Variants in IL6ST observed in about 807,000 individuals in gnomAD.
IL6ST encodes interleukin 6 cytokine family signal transducer.
A neutral mutation model predicts 91.3 loss-of-function variants in IL6ST; 24 were observed. That is an observed-to-expected ratio of 0.26 (90% CI 0.19 to 0.37). The LOEUF is 0.37. IL6ST is among the 10% of genes least tolerant of loss of function. The probability of loss-of-function intolerance (pLI) is 1.00; values close to 1 mark genes in which losing one functional copy is unlikely to be tolerated. For synonymous variants in IL6ST, 351 were observed against 373.6 expected (o/e 0.94, Z 0.70); for missense variants, 914 against 1,078.5 (o/e 0.85, Z 2.14).
intron 13 of IL6ST, 96 bp from the exon 14 acceptor site, chr5:55,951,700 A>T: frequency 8.0e-7 from 1 of 1,243,776 alleles, no homozygotes; most frequent in Middle Eastern, 1.9e-4. Context: ...AAAGAAGCGA[A>T]GTATTTTTGT....
chr5:55,977,642 A>G lies in IL6ST; in HGVS notation c.-15-1349T>C, dbSNP rs142542967. On this transcript the variant is annotated intron_variant, in intron 2 of 16. Transcript: ENST00000381298. The stretch of plus-strand genomic sequence containing the variant: ...GGAGTTCGAGACGAGCCTGGCCAAC[A>G]TGGTGAAACCCCATCTCTATTAAAA... Among the ~76,000 whole-genome samples, 463 of 152,240 alleles carry G rather than the reference A, an allele frequency of 3.0e-3. 2 individuals are homozygous for G. Among genetic ancestry groups the G allele is most frequent in the African/African-American group, 0.011 (442 of 41,548 alleles).
chr5:55,976,992 A>G (rs1753330174), intron 2 of IL6ST, among the ~76,000 whole-genome samples: 1 of 152,216 alleles, frequency 6.6e-6, no homozygotes, highest in Non-Finnish European at 1.5e-5. Context: ...ACATATGCCC[A>G]CAATAAGACT....
chr5:55,960,664 G>T, intron 7 of IL6ST, 103 bp from the exon 8 acceptor site: 1 of 1,077,422 alleles, frequency 9.3e-7, no homozygotes, highest in Non-Finnish European at 1.3e-6. Context: ...GCCTTGCTCT[G>T]TTGCCCAGGT....
chr5:55,957,236 G>A lies in IL6ST; in HGVS notation c.1029C>T (p.Gly343=), dbSNP rs144564827. The change falls in exon 9 of 17, where the codon GGC becomes GGT. Residue 343 remains glycine, a synonymous_variant. Coordinates refer to ENST00000381298, the MANE Select transcript of IL6ST (RefSeq NM_002184.4). ...TCCACACGAGTTGTACAGTTCTGTAGCCTTGAGTATGGGATGGATCTATTT... is the reference window on the plus strand; with the variant it reads ...TCCACACGAGTTGTACAGTTCTGTAACCTTGAGTATGGGATGGATCTATTT... The part of the protein sequence containing the change: ...WYKIDPSHTQ[G]YRTVQLVWKT... The A allele has an allele frequency of 1.3e-6, 2 of 1,564,566 alleles. No homozygotes were observed. Among genetic ancestry groups the A allele is most frequent in the Non-Finnish European group, 1.7e-6 (2 of 1,149,022 alleles).
intron 15 of IL6ST, chr5:55,944,787 G>T (rs1580785792): frequency 1.4e-6 from 1 of 713,946 alleles, no homozygotes; most frequent in East Asian, 2.8e-5. Context: ...TGGAATGCCA[G>T]ACGCTGGGGA....
chr5:55,974,570 C>T (rs1486442521), intron 3 of IL6ST, among the ~76,000 whole-genome samples: 1 of 152,054 alleles, frequency 6.6e-6, no homozygotes, highest in Non-Finnish European at 1.5e-5. Context: ...CTGCAACCTC[C>T]GCCTCCCAGG....
intron 1 of IL6ST, among the ~76,000 whole-genome samples, chr5:55,984,512 A>G (rs1753843582): frequency 6.6e-6 from 1 of 152,202 alleles, no homozygotes; most frequent in South Asian, 2.1e-4. Context: ...TGCAGCTGTA[A>G]GCTAAGGAAT....
intron 4 of IL6ST, among the ~76,000 whole-genome samples, chr5:55,968,832 G>A (rs962386972): frequency 2.0e-5 from 3 of 152,192 alleles, no homozygotes; most frequent in Non-Finnish European, 4.4e-5. Flanking sequence ...TGCCAAAACA[G>A]TAAAGTCTGG....
intron 3 of IL6ST, among the ~76,000 whole-genome samples, chr5:55,973,682 C>T (rs1276950005): frequency 6.6e-6 from 1 of 152,142 alleles, no homozygotes; most frequent in Non-Finnish European, 1.5e-5. Context: ...ATTGTGCCTG[C>T]CTATCTATAG....
At chr5:55,969,892 A>T (rs2111815586) in intron 3 of IL6ST, 37 bp from the exon 4 acceptor site, 2 of 1,404,230 alleles carry the variant, frequency 1.4e-6, no homozygotes, top group East Asian at 4.6e-5. Flanking sequence ...AAATGGACTG[A>T]ATTTTTCTGG....
intron 7 of IL6ST, 45 bp downstream of exon 7, chr5:55,963,307 G>C (rs745663881): frequency 7.5e-7 from 1 of 1,339,354 alleles, no homozygotes; most frequent in South Asian, 1.4e-5. Context: ...AAGATTAGAG[G>C]GTTGAAAGAA....
In IL6ST at chr5:55,963,495, G is replaced by T; in HGVS notation, c.670C>A (p.Pro224Thr). 6.2e-7 allele frequency: 1 copy of T among 1,605,284 alleles called. No individual in the cohort carries two copies. Among genetic ancestry groups the T allele is most frequent in the Non-Finnish European group, 8.5e-7 (1 of 1,176,784 alleles). The change falls in exon 7 of 17, where the codon CCG (proline) becomes ACG (threonine). Residue 224 changes from proline (P) to threonine (T), a missense_variant. By Grantham distance (38) the Pro-to-Thr change is conservative (BLOSUM62 -1). Transcript: ENST00000381298. ...TTGATCACTGATAAATTATGTGGCGGATTGGGCTTCACTGAAAAATAAAAT... is the reference window on the plus strand; with the variant it reads ...TTGATCACTGATAAATTATGTGGCGTATTGGGCTTCACTGAAAAATAAAAT... The part of the protein sequence containing the change: ...FDPVYKVKPN[P>T]PHNLSVINSE...
At chr5:55,964,679 CTAGAAGGTGACAGGAGG>C (rs1247795274) in intron 5 of IL6ST, among the ~76,000 whole-genome samples, 1 of 151,924 alleles carries the variant, frequency 6.6e-6, no homozygotes, top group Non-Finnish European at 1.5e-5. Flanking sequence ...GCACAATATG[CTAGAAGGTGACAGGAGG>C]TTAGGGGTAA....
rs71602925 is a variant in IL6ST at position 55,947,592 on chromosome 5, T to TAAAAAAAAAAA, written c.1841-14_1841-4dup. Reference sequence around the variant, plus strand: ...TATGGCTTCAATTTCTCCTTGAGCTTAAAAAAAAAAAAAAAAAAAAAAAAA... The same window carrying TAAAAAAAAAAA: ...TATGGCTTCAATTTCTCCTTGAGCTTAAAAAAAAAAAAAAAAAAAAAAAAAAAAAAAAAAAA... On this transcript the variant is annotated splice_polypyrimidine_tract_variant and splice_region_variant and intron_variant, in intron 14 of 16. Coordinates refer to ENST00000381298, the MANE Select transcript of IL6ST (RefSeq NM_002184.4). 2.3e-5 allele frequency: 9 copies of TAAAAAAAAAAA among 392,218 alleles called. No individual in the cohort carries two copies. The highest frequency in any genetic ancestry group is 4.7e-5 in the African/African-American group (1 of 21,136). 24.3% of individuals were successfully genotyped at this position (392,218 alleles called of 1,614,324 possible).
intron 15 of IL6ST, chr5:55,944,601 T>A (rs946665917): frequency 1.6e-6 from 1 of 616,014 alleles, no homozygotes; most frequent in Non-Finnish European, 3.0e-6. Context: ...TCAGTAGCGT[T>A]AAGACTGCAG....
chr5:55,964,623 T>C (rs1561181413), intron 5 of IL6ST, among the ~76,000 whole-genome samples: 3 of 152,210 alleles, frequency 2.0e-5, no homozygotes, highest in Non-Finnish European at 4.4e-5. Context: ...TGCTGTTTTT[T>C]CTTTTTCCTA....
At chr5:55,950,659 G>A (rs2111667782) in intron 14 of IL6ST, among the ~76,000 whole-genome samples, 1 of 151,890 alleles carries the variant, frequency 6.6e-6, no homozygotes, top group South Asian at 2.1e-4. Flanking sequence ...AGGGAGGAGG[G>A]AGTTTCAAGG....
In IL6ST at chr5:55,958,869, G is replaced by C. The variant is rs115746037; in HGVS notation, c.973+1533C>G. 8.6e-3 allele frequency among the ~76,000 whole-genome samples: 1,299 copies of C among 150,970 alleles called. 17 individuals carry two copies. The highest frequency in any genetic ancestry group is 0.03 in the African/African-American group (1,229 of 41,132). ...AAAAAAAAAAAAAAATTTAAGTACT[G>C]ATATGTTAATCATGAAGAGGCAATT... On this transcript the variant is annotated intron_variant, in intron 8 of 16. Transcript: ENST00000381298.
chr5:55,942,575 T>C (rs1750985164), intron 16 of IL6ST, 95 bp downstream of exon 16: 1 of 600,992 alleles, frequency 1.7e-6, no homozygotes, highest in African/African-American at 1.9e-5. Context: ...TTTGGTACAT[T>C]TGTAGATACT....
Sources: allele counts gnomAD v4.1 joint callset (sites outside exome capture counted in the v4.1 genomes callset), GRCh38; gene constraint gnomAD v4.1.1; transcripts MANE v1.5; gene names NCBI Gene and HGNC (gene_info 2026-07-23, HGNC 2026-07-21).